Variants in NDUFA5 observed in about 807,000 individuals in gnomAD.
NDUFA5 encodes NADH dehydrogenase [ubiquinone] 1 alpha subcomplex subunit 5.
A neutral mutation model predicts 19.8 loss-of-function variants in NDUFA5; 11 were observed. The ratio of observed to expected loss-of-function variants is 0.56; its 90% CI spans 0.35 to 0.92. The LOEUF (loss-of-function observed/expected upper bound fraction) is 0.92. Among genes scored for constraint, NDUFA5 ranks in the 40% least tolerant of loss-of-function variants. The probability of loss-of-function intolerance (pLI) is 0.01; values close to 1 mark genes in which losing one functional copy is unlikely to be tolerated. For synonymous variants in NDUFA5, 47 were observed against 46.8 expected, an observed-to-expected ratio of 1.00 and a Z score of -0.01; for missense variants, 109 against 134.2, an observed-to-expected ratio of 0.81 and a Z score of 0.93.
At position 123,556,607 on chromosome 7, in the gene NDUFA5, C is replaced by CAA. The variant is rs139768796; in HGVS notation, c.66+795_66+796dup. 7.5e-3 allele frequency: 1,436 copies of CAA among 192,516 alleles called. 8 individuals are homozygous for CAA. The highest frequency in any genetic ancestry group is 0.01 in the Admixed American group (201 of 19,456). The allele number at this position is 192,516 out of a possible 1,614,324, so 11.9% of individuals were successfully genotyped here. A position where few individuals can be genotyped will look rare whatever the true frequency, so the allele number is the denominator to read the frequency against. The stretch of plus-strand genomic sequence containing the variant: ...ATGATGGAAAAAGTGTCAAATGTGT[C>CAA]AAAAAAAAAAAAACGCTGCTATTAG... On this transcript the variant is annotated intron_variant, in intron 2 of 4. Coordinates refer to ENST00000355749, the MANE Select transcript of NDUFA5 (RefSeq NM_005000.5).
the NDUFA5 span, among the ~76,000 whole-genome samples, chr7:123,588,118 C>T: frequency 6.6e-6 from 1 of 151,706 alleles, no homozygotes; most frequent in African/African-American, 2.4e-5. Context: ...GGAATTAATG[C>T]TTTAAGTGTT....
At position 123,557,449 on chromosome 7, in the gene NDUFA5, C is replaced by G. The variant is rs1430258998; in HGVS notation, c.22-1G>C. On this transcript the variant is annotated splice_acceptor_variant, in intron 1 of 4. Transcript: ENST00000355749. LOFTEE classifies it high-confidence loss of function. ...CAGCCAATCCCACAAGGCCAGTGGTCTGTTCAAAAACAAAACACGATTCAT... is the reference window on the plus strand; with the variant it reads ...CAGCCAATCCCACAAGGCCAGTGGTGTGTTCAAAAACAAAACACGATTCAT... 6.2e-7 allele frequency: 1 copy of G among 1,612,404 alleles called. No individual in the cohort carries two copies. Among genetic ancestry groups the G allele is most frequent in the South Asian group, 1.1e-5 (1 of 90,844 alleles).
chr7:123,569,642 G>A, the NDUFA5 span, among the ~76,000 whole-genome samples: 1 of 152,140 alleles, frequency 6.6e-6, no homozygotes, highest in Non-Finnish European at 1.5e-5. Flanking sequence ...AGGTGGACAA[G>A]GTTATTATAA....
At chr7:123,588,083 T>C in the NDUFA5 span, among the ~76,000 whole-genome samples, 1 of 151,838 alleles carries the variant, frequency 6.6e-6, no homozygotes, top group Non-Finnish European at 1.5e-5. Context: ...CCTCTTCAAC[T>C]TTTTGCAAGA....
the NDUFA5 span, among the ~76,000 whole-genome samples, chr7:123,598,483 A>C: frequency 3.2e-4 from 48 of 152,344 alleles, no homozygotes; most frequent in Admixed American, 3.9e-4. Context: ...AGTGAAAATT[A>C]AGTACTTTGT....
At chr7:123,562,800 T>TTC (rs1491010389), upstream of NDUFA5, among the ~76,000 whole-genome samples, 1 of 45,534 alleles carries the variant, frequency 2.2e-5, no homozygotes, top group Non-Finnish European at 4.3e-5. Context: ...CTTTCTTTCT[T>TTC]TTTTTTTTTT....
At chr7:123,589,234 T>C in the NDUFA5 span, among the ~76,000 whole-genome samples, 1 of 151,670 alleles carries the variant, frequency 6.6e-6, no homozygotes, top group African/African-American at 2.4e-5. Context: ...GGTGCACATA[T>C]AATTACAATT....
the NDUFA5 span, among the ~76,000 whole-genome samples, chr7:123,587,678 A>G: frequency 3.4e-4 from 52 of 151,730 alleles, 1 homozygote; most frequent in East Asian, 9.1e-3. Flanking sequence ...AAGCTTGCCA[A>G]ATATGACCTT....
chr7:123,560,687 C>G (rs1589877), upstream of NDUFA5, among the ~76,000 whole-genome samples: 26,971 of 152,148 alleles, frequency 0.18, 2,841 homozygotes, highest in African/African-American at 0.28. Flanking sequence ...ATATTTACCT[C>G]TTTTCGTGTG....
At chr7:123,589,569 T>C in the NDUFA5 span, among the ~76,000 whole-genome samples, 11 of 152,114 alleles carry the variant, frequency 7.2e-5, no homozygotes, top group African/African-American at 2.4e-4. Flanking sequence ...GAATATGCTG[T>C]GTTTGGTTTT....
chr7:123,563,727 C>T, the NDUFA5 span, among the ~76,000 whole-genome samples: 1 of 152,134 alleles, frequency 6.6e-6, no homozygotes, highest in African/African-American at 2.4e-5. Context: ...ATAAAGTGTG[C>T]CTTTTATACA....
chr7:123,600,223 G>A, the NDUFA5 span, among the ~76,000 whole-genome samples: 1 of 152,112 alleles, frequency 6.6e-6, no homozygotes, highest in Admixed American at 6.6e-5. Flanking sequence ...AGCAAGACGT[G>A]TTCACAGGAC....
At chr7:123,556,891 TTTGAG>T (rs1798572120) in intron 2 of NDUFA5, 1 of 512,954 alleles carries the variant, frequency 1.9e-6, no homozygotes, top group Non-Finnish European at 3.9e-6. Flanking sequence ...AGATAACTCT[TTTGAG>T]TTATCTGTAA....
At chr7:123,590,095 T>TCA in the NDUFA5 span, among the ~76,000 whole-genome samples, 7 of 149,988 alleles carry the variant, frequency 4.7e-5, no homozygotes, top group East Asian at 1.4e-3. Context: ...TCTTCATGTG[T>TCA]TTTTTGGCTG....
At chr7:123,552,464 C>T (rs1562897404) in intron 2 of NDUFA5, among the ~76,000 whole-genome samples, 1 of 151,828 alleles carries the variant, frequency 6.6e-6, no homozygotes, top group Non-Finnish European at 1.5e-5. Flanking sequence ...GGGAGGGGAA[C>T]ATCACACACT....
Position 123,539,737 on chromosome 7 carries a change from A to G in NDUFA5, c.*2382T>C, listed in dbSNP as rs1352348521. 6.6e-6 allele frequency: 1 copy of G among 152,216 alleles called. No homozygotes were observed. The highest frequency in any genetic ancestry group is 1.5e-5 in the Non-Finnish European group (1 of 68,038). The allele number at this position is 152,216 out of a possible 1,614,324, so 9.4% of individuals were successfully genotyped here. A position where few individuals can be genotyped will look rare whatever the true frequency, so the allele number is the denominator to read the frequency against. ...AGAAAGAACCAATGACCAAATTGCA[A>G]TACCTTTTAGATACCTATCCCATTA... is the stretch of plus-strand genomic sequence containing the variant. On this transcript the variant is annotated 3_prime_UTR_variant, in exon 5 of 5. Coordinates refer to ENST00000355749, the MANE Select transcript of NDUFA5 (RefSeq NM_005000.5).
rs546329531 is a variant in NDUFA5, at chr7:123,550,499, T to C, written c.154A>G (p.Thr52Ala). The C allele has an allele frequency of 3.1e-6, 5 of 1,608,278 alleles. No homozygotes were observed. The East Asian group carries it at 8.9e-5, about 29-fold the overall frequency. ...TTAACCATAGCCAGCTTCTCATTTG[T>C]AATCTGTTCTGTATACTTTCTATAT... Reference protein sequence around the residue: ...AAYRKYTEQITNEKLAMVKAE... With the variant: ...AAYRKYTEQIANEKLAMVKAE... Residue 52 changes from threonine to alanine, a missense_variant, in exon 3 of 5, where the codon ACA becomes GCA. By Grantham distance (58) the Thr-to-Ala change is moderately conservative. Coordinates refer to ENST00000355749, the MANE Select transcript of NDUFA5 (RefSeq NM_005000.5).
At chr7:123,576,545 G>A in the NDUFA5 span, among the ~76,000 whole-genome samples, 1 of 152,068 alleles carries the variant, frequency 6.6e-6, no homozygotes, top group South Asian at 2.1e-4. Context: ...GGCCAACTAT[G>A]TCTAAGTGAT....
chr7:123,540,892 A>ACG lies in NDUFA5; in HGVS notation c.*1226_*1227insCG. Reference sequence around the variant, plus strand: ...TGAGCAAATGTGCGCATGCGCGTGCACACACACACACACACACACACACAC... The same window carrying ACG: ...TGAGCAAATGTGCGCATGCGCGTGCACGCACACACACACACACACACACACAC... On this transcript the variant is annotated 3_prime_UTR_variant, in exon 5 of 5. Coordinates refer to ENST00000355749, the MANE Select transcript of NDUFA5 (RefSeq NM_005000.5). The ACG allele has an allele frequency of 1.7e-5, 1 of 60,486 alleles. No individual in the cohort carries two copies. The highest frequency in any genetic ancestry group is 4.8e-5 in the African/African-American group (1 of 20,640). The allele number at this position is 60,486 out of a possible 1,614,324, so 3.7% of individuals were successfully genotyped here.
Sources: gnomAD v4.1 joint callset for allele counts (sites outside exome capture counted in the v4.1 genomes callset) on GRCh38, gnomAD v4.1.1 for gene constraint, MANE v1.5 for transcripts, NCBI Gene and HGNC (gene_info 2026-07-23, HGNC 2026-07-21) for gene names.